Variants in EPHA6 observed in about 807,000 individuals in gnomAD.
EPHA6 encodes the protein ephrin type-A receptor 6.
Under a neutral mutation model 112.0 loss-of-function variants are expected in EPHA6, and 50 were observed. The observed-to-expected ratio is 0.45, with a 90% CI of 0.36 to 0.56. The LOEUF (loss-of-function observed/expected upper bound fraction) is 0.56, where lower values mean the gene tolerates loss of function less well. Ranked by LOEUF, EPHA6 falls within the 20% of genes least tolerant of loss-of-function variation. EPHA6 has a pLI of 0.00. For missense variants in EPHA6, 1,280 were observed against 1,417.4 expected (o/e 0.90, Z 1.56); for synonymous variants, 529 against 490.7 (o/e 1.08, Z -1.03).
intron 11 of EPHA6, among the ~76,000 whole-genome samples, chr3:97,547,005 T>C (rs550308048): frequency 3.3e-5 from 5 of 152,312 alleles, no homozygotes; most frequent in Middle Eastern, 3.4e-3. Flanking sequence ...TTGCCATTGG[T>C]TCGAATTTCA....
intron 5 of EPHA6, among the ~76,000 whole-genome samples, chr3:97,265,085 G>T (rs1023434161): frequency 6.6e-6 from 1 of 152,140 alleles, no homozygotes; most frequent in African/African-American, 2.4e-5. Flanking sequence ...TGGTCATCCT[G>T]TCGTCTGCTT....
intron 12 of EPHA6, among the ~76,000 whole-genome samples, chr3:97,601,147 T>G (rs939553655): frequency 6.6e-6 from 1 of 152,240 alleles, no homozygotes; most frequent in East Asian, 1.9e-4. Flanking sequence ...GTTTTATTAT[T>G]ACAGATTGTG....
intron 2 of EPHA6, among the ~76,000 whole-genome samples, chr3:96,954,297 G>A (rs1412678909): frequency 6.6e-6 from 1 of 152,080 alleles, no homozygotes; most frequent in East Asian, 1.9e-4. Flanking sequence ...GTGGTTCAAC[G>A]TCTTATTAAG....
intron 3 of EPHA6, among the ~76,000 whole-genome samples, chr3:97,174,620 G>A (rs2076785959): frequency 6.6e-6 from 1 of 151,832 alleles, no homozygotes; most frequent in Non-Finnish European, 1.5e-5. Flanking sequence ...TCTCATAGTA[G>A]TTTTTATTTG....
intron 3 of EPHA6, among the ~76,000 whole-genome samples, chr3:97,223,841 C>T (rs557206797): frequency 3.3e-5 from 5 of 152,222 alleles, no homozygotes; most frequent in African/African-American, 1.2e-4. Context: ...ATATTTTAAA[C>T]TTTAACATTA....
Position 96,964,802 on chromosome 3 carries a change from T to C in EPHA6, c.451-22528T>C, listed in dbSNP as rs559970501. On this transcript the variant is annotated intron_variant, in intron 2 of 17. Transcript: ENST00000389672. ...ATGCATGTGCACATTGTAGAGTATA[T>C]GCATACTCAAGTGCTAGCAAATTAC... is the stretch of plus-strand genomic sequence containing the variant. 9.8e-5 allele frequency among the ~76,000 whole-genome samples: 15 copies of C among 152,312 alleles called. No individual in the cohort carries two copies. The South Asian group carries it at 1.0e-3, about 11-fold the overall frequency.
intron 15 of EPHA6, 47 bp from the exon 16 acceptor site, chr3:97,735,878 A>G (rs1316896507): frequency 4.9e-6 from 7 of 1,419,322 alleles, no homozygotes; most frequent in Non-Finnish European, 4.7e-6. Flanking sequence ...TAGCATATGT[A>G]TTACTGCCTA....
chr3:97,488,840 A>G (rs1339085944), intron 10 of EPHA6, among the ~76,000 whole-genome samples: 1 of 152,230 alleles, frequency 6.6e-6, no homozygotes, highest in Non-Finnish European at 1.5e-5. Context: ...TGAGAATAAG[A>G]TCAACAACAG....
intron 3 of EPHA6, among the ~76,000 whole-genome samples, chr3:96,997,246 C>G (rs1046994617): frequency 2.6e-5 from 4 of 152,070 alleles, no homozygotes; most frequent in African/African-American, 9.7e-5. Context: ...TCCTTCTCAA[C>G]AATAAGGCTG....
intron 2 of EPHA6, among the ~76,000 whole-genome samples, chr3:96,961,647 G>T (rs371215871): frequency 0.025 from 3,553 of 142,170 alleles, 145 homozygotes; most frequent in African/African-American, 0.1. Context: ...TTCTACCTGT[G>T]TGATACACTT....
chr3:97,308,348 A>G (rs1218764508), intron 5 of EPHA6, among the ~76,000 whole-genome samples: 2 of 151,762 alleles, frequency 1.3e-5, no homozygotes, highest in Non-Finnish European at 3.0e-5. Context: ...TATAAAAGAA[A>G]GATTGGAGTA....
At chr3:97,340,843 T>C (rs1019745769) in intron 5 of EPHA6, among the ~76,000 whole-genome samples, 24 of 152,232 alleles carry the variant, frequency 1.6e-4, no homozygotes, top group African/African-American at 5.1e-4. Flanking sequence ...GCCCTACCCC[T>C]ATGACCTCAT....
At chr3:97,431,385 A>G (rs1168428787) in intron 6 of EPHA6, among the ~76,000 whole-genome samples, 2 of 152,156 alleles carry the variant, frequency 1.3e-5, no homozygotes, top group East Asian at 3.8e-4. Flanking sequence ...TTAAGGCAGT[A>G]TTTTTAAAGT....
At chr3:97,455,056 TC>T (rs1473304662) in intron 7 of EPHA6, among the ~76,000 whole-genome samples, 1 of 151,952 alleles carries the variant, frequency 6.6e-6, no homozygotes, top group Non-Finnish European at 1.5e-5. Context: ...AGAGGAATTT[TC>T]TAGCAGTTAG....
chr3:97,648,767 C>A (rs144865106), intron 14 of EPHA6, among the ~76,000 whole-genome samples: 49 of 152,182 alleles, frequency 3.2e-4, no homozygotes, highest in East Asian at 2.1e-3. Context: ...AACCAATGCA[C>A]TGAATAAAAG....
chr3:97,240,635 A>G (rs1043742211), intron 4 of EPHA6, among the ~76,000 whole-genome samples: 1 of 151,818 alleles, frequency 6.6e-6, no homozygotes, highest in African/African-American at 2.4e-5. Flanking sequence ...TGAAACATAA[A>G]TCTGTACTGG....
At chr3:97,034,154 T>G (rs1338142008) in intron 3 of EPHA6, among the ~76,000 whole-genome samples, 3 of 151,960 alleles carry the variant, frequency 2.0e-5, no homozygotes, top group Admixed American at 1.3e-4. Flanking sequence ...TTGACAAGGT[T>G]GTATTTAAGC....
At chr3:97,318,600 C>T (rs1484703832) in intron 5 of EPHA6, among the ~76,000 whole-genome samples, 2 of 151,914 alleles carry the variant, frequency 1.3e-5, no homozygotes, top group East Asian at 3.9e-4. Flanking sequence ...CTTATTTGAC[C>T]ATGCTGCATG....
chr3:96,987,198 T>C, intron 2 of EPHA6, 132 bp from the exon 3 acceptor site: 2 of 743,550 alleles, frequency 2.7e-6, no homozygotes, highest in South Asian at 4.0e-5. Context: ...GTTCCATTGA[T>C]ACTTTGAGTA....
Sources: gnomAD v4.1 joint callset for allele counts (sites outside exome capture counted in the v4.1 genomes callset) on GRCh38, gnomAD v4.1.1 for gene constraint, MANE v1.5 for transcripts, NCBI Gene and HGNC (gene_info 2026-07-23, HGNC 2026-07-21) for gene names.